STEEP1: variants seen among roughly 807,000 people sequenced by gnomAD.
The protein encoded by STEEP1 is STING1 ER exit protein 1.
Under a neutral mutation model 19.2 loss-of-function variants are expected in STEEP1, and 3 were observed. That is an observed-to-expected ratio of 0.16 (90% CI 0.07 to 0.40). The LOEUF (loss-of-function observed/expected upper bound fraction) is 0.40. Ranked by LOEUF, STEEP1 falls within the 10% of genes least tolerant of loss-of-function variation. The pLI, the probability that STEEP1 is intolerant of heterozygous loss-of-function variation, is 0.99. For synonymous variants in STEEP1, 46 were observed against 63.7 expected, an observed-to-expected ratio of 0.72 and a Z score of 1.32; for missense variants, 54 against 177.1, an observed-to-expected ratio of 0.30 and a Z score of 3.94.
chrX:119,556,700 T>A (rs1289905010), intron 2 of STEEP1, among the ~76,000 whole-genome samples: 1 of 110,550 alleles, frequency 9.0e-6, no homozygotes, highest in Non-Finnish European at 1.9e-5. Flanking sequence ...AAGTAGGACA[T>A]CAGGTGAAGA....
At chrX:119,542,717 G>T in intron 4 of STEEP1, 123 bp from the exon 5 acceptor site, 1 of 426,183 alleles carries the variant, frequency 2.3e-6, no homozygotes, top group South Asian at 5.3e-5. Context: ...ACCTCTTTGG[G>T]ACAGGATGAC....
chrX:119,557,170 A>AAAAAAG (rs1289008656), intron 2 of STEEP1, among the ~76,000 whole-genome samples: 2 of 99,086 alleles, frequency 2.0e-5, no homozygotes, highest in Admixed American at 1.1e-4. Flanking sequence ...AAAAAAAAAA[A>AAAAAAG]AAAGAAAAGA....
intron 2 of STEEP1, among the ~76,000 whole-genome samples, chrX:119,548,136 C>T (rs1485163579): frequency 9.0e-6 from 1 of 110,998 alleles, no homozygotes; most frequent in Non-Finnish European, 1.9e-5. Flanking sequence ...TGCGTCACTG[C>T]ACTCCAGCCT....
At chrX:119,551,900 CTTTT>C (rs58576371) in intron 2 of STEEP1, among the ~76,000 whole-genome samples, 15 of 91,458 alleles carry the variant, frequency 1.6e-4, no homozygotes, top group African/African-American at 2.0e-4. Flanking sequence ...GCTTCCAAAA[CTTTT>C]TTTTTTTTTT....
chrX:119,542,062 T>G, intron 5 of STEEP1, among the ~76,000 whole-genome samples: 1 of 6,593 alleles, frequency 1.5e-4, no homozygotes, highest in African/African-American at 9.5e-4. Context: ...TTTCTTTTTT[T>G]TTTTTTTTTT....
At chrX:119,539,868 C>G (rs1438339674) in intron 6 of STEEP1, 79 bp from the exon 7 acceptor site, 1 of 739,234 alleles carries the variant, frequency 1.4e-6, no homozygotes, top group Admixed American at 2.6e-5. Context: ...AACCCAAACA[C>G]TCTCCCTTAA....
At chrX:119,541,779 C>T (rs1483420153) in intron 5 of STEEP1, among the ~76,000 whole-genome samples, 1 of 111,551 alleles carries the variant, frequency 9.0e-6, no homozygotes, top group African/African-American at 3.3e-5. Context: ...CCATCAATAT[C>T]GTTATACTGA....
chrX:119,546,146 C>T (rs184458981), intron 2 of STEEP1, among the ~76,000 whole-genome samples: 2 of 110,255 alleles, frequency 1.8e-5, no homozygotes, highest in Non-Finnish European at 1.9e-5. Context: ...CTAAAGTATA[C>T]ATGTATTAAC....
At chrX:119,542,937 A>G (rs1350766290) in intron 4 of STEEP1, among the ~76,000 whole-genome samples, 2 of 99,474 alleles carry the variant, frequency 2.0e-5, no homozygotes, top group East Asian at 6.2e-4. Context: ...CGTAGCTAGG[A>G]TTACAGGCAT....
intron 2 of STEEP1, among the ~76,000 whole-genome samples, chrX:119,552,532 C>T (rs1292120313): frequency 8.9e-6 from 1 of 112,502 alleles, no homozygotes; most frequent in Admixed American, 9.4e-5. Flanking sequence ...GGGCGTGGAG[C>T]TTCCATGCCC....
At position 119,552,647 on chromosome X, in the gene STEEP1, T is replaced by C. The variant is rs182050981; in HGVS notation, c.243-7143A>G. ...TTATGGAAGCTTTGTTACAGAGGCA[T>C]GATTGACAACCATGTAGAAATGTGA... On this transcript the variant is annotated intron_variant, in intron 2 of 6. Transcript: ENST00000644802. Among the ~76,000 whole-genome samples, 495 of 111,903 alleles carry C rather than the reference T, an allele frequency of 4.4e-3. 4 individuals carry two copies. Among genetic ancestry groups the C allele is most frequent in the African/African-American group, 0.015 (466 of 30,854 alleles).
chrX:119,548,569 A>T (rs1447479475), intron 2 of STEEP1, among the ~76,000 whole-genome samples: 1 of 107,445 alleles, frequency 9.3e-6, no homozygotes, highest in Admixed American at 1.0e-4. Context: ...CAAAAATTAA[A>T]TGTTAGGGAG....
At chrX:119,542,957 C>T (rs1009582193) in intron 4 of STEEP1, among the ~76,000 whole-genome samples, 4 of 93,031 alleles carry the variant, frequency 4.3e-5, no homozygotes, top group Non-Finnish European at 8.2e-5. Context: ...TATGCCCCCA[C>T]GCCTGGCTAA....
intron 1 of STEEP1, 107 bp downstream of exon 1, chrX:119,565,125 C>G (rs926118163): frequency 4.6e-6 from 5 of 1,097,857 alleles, no homozygotes; most frequent in Middle Eastern, 7.6e-4. Flanking sequence ...GAAAACCCAC[C>G]AATCTTCGTT....
In STEEP1 at chrX:119,545,445, CA is replaced by C; in HGVS notation, c.284+17del. ...CTACTTGCCTATGCTTGGAGAAACC[CA>C]CATTGTTAATACTTACTTTGCACAT... is the stretch of plus-strand genomic sequence containing the variant. On this transcript the variant is annotated intron_variant, in intron 3 of 6. Transcript: ENST00000644802. 1 of 1,132,874 alleles carries C rather than the reference CA, an allele frequency of 8.8e-7. No individual in the cohort carries two copies. The highest frequency in any genetic ancestry group is 1.2e-6 in the Non-Finnish European group (1 of 825,394). The allele number at this position is 1,132,874 out of a possible 1,213,427, so 93.4% of individuals were successfully genotyped here. A position where few individuals can be genotyped will look rare whatever the true frequency, so the allele number is the denominator to read the frequency against.
intron 1 of STEEP1, among the ~76,000 whole-genome samples, chrX:119,564,072 G>A (rs2053339830): frequency 1.8e-5 from 2 of 111,724 alleles, no homozygotes; most frequent in Non-Finnish European, 3.8e-5. Flanking sequence ...CAGCATGTCA[G>A]TTGTATTTAA....
chrX:119,560,203 A>G, intron 2 of STEEP1, 65 bp downstream of exon 2: 4 of 768,615 alleles, frequency 5.2e-6, no homozygotes, highest in Non-Finnish European at 6.0e-6. Context: ...TGTGATATTT[A>G]TATTATTCAG....
At chrX:119,542,010 T>C (rs997526938) in intron 5 of STEEP1, among the ~76,000 whole-genome samples, 2 of 108,512 alleles carry the variant, frequency 1.8e-5, no homozygotes, top group African/African-American at 3.4e-5. Context: ...TCCCTGAGAT[T>C]CAAGGAAACA....
At chrX:119,542,298 C>T (rs1011073128) in intron 5 of STEEP1, among the ~76,000 whole-genome samples, 1 of 109,762 alleles carries the variant, frequency 9.1e-6, no homozygotes, top group Non-Finnish European at 1.9e-5. Context: ...GATCTCCTGA[C>T]CTTATGATCC....
Sources: gnomAD v4.1 joint callset for allele counts (sites outside exome capture counted in the v4.1 genomes callset) on GRCh38, gnomAD v4.1.1 for gene constraint, MANE v1.5 for transcripts, NCBI Gene and HGNC (gene_info 2026-07-23, HGNC 2026-07-21) for gene names.